The following FBXO47 variants were observed in gnomAD, a reference collection of about 807,000 sequenced individuals.
The protein encoded by FBXO47 is F-box protein 47.
In FBXO47, 34 loss-of-function variants were observed where a neutral mutation model predicts 53.9. That is an observed-to-expected ratio of 0.63 (90% confidence interval 0.48 to 0.84). The LOEUF (loss-of-function observed/expected upper bound fraction) is 0.84, where lower values mean the gene tolerates loss of function less well. Among genes scored for constraint, FBXO47 ranks in the 40% least tolerant of loss-of-function variants. The pLI is 0.00. For synonymous variants in FBXO47, 165 were observed against 181.6 expected (o/e 0.91, Z 0.73); for missense variants, 485 against 541.3 (o/e 0.90, Z 1.03).
chr17:38,946,120 A>ATATATTTATATAT, intron 6 of FBXO47, among the ~76,000 whole-genome samples: 1 of 125,642 alleles, frequency 8.0e-6, no homozygotes, highest in Non-Finnish European at 1.6e-5. Flanking sequence ...ATACATAAAT[A>ATATATTTATATAT]AATATATATA....
intron 1 of FBXO47, 89 bp from the exon 2 acceptor site, chr17:38,963,140 G>A (rs933842683): frequency 9.0e-6 from 7 of 780,308 alleles, no homozygotes; most frequent in Non-Finnish European, 1.5e-5. Flanking sequence ...GAGGTTGATA[G>A]TACGATATGC....
chr17:38,962,677 T>C (rs1422781686), intron 2 of FBXO47, among the ~76,000 whole-genome samples, 168 bp downstream of exon 2: 2 of 150,666 alleles, frequency 1.3e-5, no homozygotes, highest in African/African-American at 2.4e-5. Flanking sequence ...TGCTTTCTCA[T>C]TGTACTCCTT....
chr17:38,964,672 C>T (rs1435545484), intron 1 of FBXO47, among the ~76,000 whole-genome samples: 1 of 151,886 alleles, frequency 6.6e-6, no homozygotes, highest in Non-Finnish European at 1.5e-5. Context: ...GAAAAACAAA[C>T]AAACAAACAA....
At chr17:38,965,596 C>T (rs1021758510) in intron 1 of FBXO47, among the ~76,000 whole-genome samples, 1 of 150,380 alleles carries the variant, frequency 6.6e-6, no homozygotes, top group African/African-American at 2.4e-5. Context: ...ACAAATAGGC[C>T]GGGCATGGTG....
intron 6 of FBXO47, among the ~76,000 whole-genome samples, chr17:38,951,082 A>G (rs7218148): frequency 0.036 from 5,480 of 151,262 alleles, 290 homozygotes; most frequent in African/African-American, 0.11. Flanking sequence ...TTGTAGAGAC[A>G]TGGTCTGTTA....
chr17:38,938,678 C>G lies in FBXO47; in HGVS notation c.1138G>C (p.Val380Leu). 1 of 1,613,482 alleles carries G rather than the reference C, an allele frequency of 6.2e-7. No homozygotes were observed. Among genetic ancestry groups the G allele is most frequent in the Non-Finnish European group, 8.5e-7 (1 of 1,179,584 alleles). The change falls in exon 10 of 11, where the codon GTC becomes CTC. Residue 380 changes from valine (V) to leucine (L), a missense_variant. Coordinates refer to ENST00000378079, the MANE Select transcript of FBXO47 (RefSeq NM_001008777.3). ...ACTGGAGTGCTAAAGACTTTGCAGA[C>G]TTTTTGCATCATTTTAACTGTCCAA... ...MDWTVKMMQK[V>L]CKVFSTPVER... is the part of the protein sequence containing the mutation.
chr17:38,965,099 C>T (rs1906036196), intron 1 of FBXO47, among the ~76,000 whole-genome samples: 1 of 152,216 alleles, frequency 6.6e-6, no homozygotes, highest in Non-Finnish European at 1.5e-5. Context: ...AGCCACCAGC[C>T]TCAGCCTCCC....
At position 38,942,697 on chromosome 17, in the gene FBXO47, T is replaced by C. The variant is rs969318344; in HGVS notation, c.1083+81A>G. Reference sequence around the variant, plus strand: ...ATTTTTACAAAATCTTTTGTCCACATTTCAGTTCCTTCAGGGCAGCTCCCT... The same window carrying C: ...ATTTTTACAAAATCTTTTGTCCACACTTCAGTTCCTTCAGGGCAGCTCCCT... On this transcript the variant is annotated intron_variant, in intron 9 of 10. Coordinates refer to ENST00000378079, the MANE Select transcript of FBXO47 (RefSeq NM_001008777.3). 8.6e-6 allele frequency: 9 copies of C among 1,047,468 alleles called. No homozygotes were observed. The African/African-American group carries it at 1.3e-4, about 15-fold the overall frequency. The allele number at this position is 1,047,468 out of a possible 1,614,324, so 64.9% of individuals were successfully genotyped here. A position where few individuals can be genotyped will look rare whatever the true frequency, so the allele number is the denominator to read the frequency against.
At chr17:38,945,169 C>T (rs375059150) in intron 6 of FBXO47, 33 bp from the exon 7 acceptor site, 123 of 1,505,522 alleles carry the variant, frequency 8.2e-5, no homozygotes, top group Non-Finnish European at 1.0e-4. Context: ...AATCATTCTT[C>T]GTAGAAAGGC....
At chr17:38,955,075 G>A (rs771954577) in intron 4 of FBXO47, 142 bp from the exon 5 acceptor site, 3 of 608,236 alleles carry the variant, frequency 4.9e-6, no homozygotes, top group South Asian at 4.6e-5. Flanking sequence ...GGTTACATAG[G>A]TGGGGATTAT....
intron 3 of FBXO47, 57 bp downstream of exon 3, chr17:38,961,820 G>T: frequency 1.4e-6 from 2 of 1,464,190 alleles, no homozygotes; most frequent in Non-Finnish European, 9.4e-7. Context: ...TGTATACTAA[G>T]TTTCTCTTAA....
chr17:38,957,092 T>C (rs556688568), intron 4 of FBXO47, 85 bp downstream of exon 4: 2 of 856,154 alleles, frequency 2.3e-6, no homozygotes, highest in African/African-American at 1.7e-5. Context: ...ATTCTACTAA[T>C]ATAGAGTAAA....
intron 6 of FBXO47, among the ~76,000 whole-genome samples, chr17:38,945,733 G>A (rs369810916): frequency 9.2e-5 from 14 of 151,554 alleles, no homozygotes; most frequent in African/African-American, 2.9e-4. Context: ...TCAGGAGATC[G>A]AGACCAACCT....
intron 6 of FBXO47, among the ~76,000 whole-genome samples, chr17:38,947,073 CAT>C (rs1228057958): frequency 8.2e-6 from 1 of 122,280 alleles, no homozygotes; most frequent in Admixed American, 8.3e-5. Flanking sequence ...TATATATAAA[CAT>C]ATATAAACAT....
intron 6 of FBXO47, among the ~76,000 whole-genome samples, chr17:38,945,984 CAAATATAT>C (rs1352328742): frequency 2.6e-5 from 3 of 116,312 alleles, no homozygotes; most frequent in East Asian, 2.5e-4. Context: ...AATATATATA[CAAATATAT>C]AAATATATAT....
intron 9 of FBXO47, 84 bp from the exon 10 acceptor site, chr17:38,938,816 A>G: frequency 9.0e-7 from 1 of 1,115,338 alleles, no homozygotes; most frequent in East Asian, 2.4e-5. Flanking sequence ...ATGAATAATT[A>G]TAGTTTGTGA....
Position 38,962,854 on chromosome 17 carries a change from A to T in FBXO47, c.172T>A (p.Tyr58Asn). ...PLEIFQIILKYLSVKDISMLS... is the reference protein window; with the variant it reads ...PLEIFQIILKNLSVKDISMLS... ...AGTTCCCAAACCTCACCTGACAAAT[A>T]TTTTAAAATTATCTGGAATATTTCC... The change falls in exon 2 of 11, where the codon TAT becomes AAT. Residue 58 changes from tyrosine (Y) to asparagine (N), a missense_variant. Tyr to Asn is a moderately radical substitution (Grantham distance 143, BLOSUM62 -2). Transcript: ENST00000378079. The T allele has an allele frequency of 1.2e-6, 2 of 1,609,688 alleles. No individual in the cohort carries two copies. Among genetic ancestry groups the T allele is most frequent in the Non-Finnish European group, 1.7e-6 (2 of 1,177,644 alleles).
chr17:38,962,547 G>A (rs916592875), intron 2 of FBXO47, among the ~76,000 whole-genome samples: 8 of 150,988 alleles, frequency 5.3e-5, no homozygotes, highest in African/African-American at 1.7e-4. Flanking sequence ...TGGAGGTTGC[G>A]GTGAGCCGAG....
rs771663739 is a variant in FBXO47 at position 38,963,127 on chromosome 17, G to A, written c.-26-76C>T. The A allele has an allele frequency of 1.5e-5, 14 of 953,072 alleles. No individual in the cohort carries two copies. The South Asian group carries it at 1.7e-4, about 11-fold the overall frequency. 59.0% of individuals were successfully genotyped at this position (953,072 alleles called of 1,614,324 possible). On this transcript the variant is annotated intron_variant, in intron 1 of 10. Transcript: ENST00000378079. Reference sequence around the variant, plus strand: ...AAGAAAGAGATTTTTTTTTTTAAACGAAGAGGTTGATAGTACGATATGCAA... The same window carrying A: ...AAGAAAGAGATTTTTTTTTTTAAACAAAGAGGTTGATAGTACGATATGCAA...
Sources: gnomAD v4.1 joint callset for allele counts (sites outside exome capture counted in the v4.1 genomes callset) on GRCh38, gnomAD v4.1.1 for gene constraint, MANE v1.5 for transcripts, NCBI Gene and HGNC (gene_info 2026-07-23, HGNC 2026-07-21) for gene names.